The following GALNT18 variants were observed in gnomAD, a reference collection of about 807,000 sequenced individuals.
GALNT18 encodes polypeptide N-acetylgalactosaminyltransferase 18.
In GALNT18, 44 loss-of-function variants were observed where a neutral mutation model predicts 69.5. The observed-to-expected ratio is 0.63, with a 90% CI of 0.50 to 0.81. GALNT18 has a LOEUF of 0.81. Ranked by LOEUF, GALNT18 falls within the 40% of genes least tolerant of loss-of-function variation. GALNT18 has a pLI of 0.00. For synonymous variants in GALNT18, 364 were observed against 318.2 expected, an observed-to-expected ratio of 1.14 and a Z score of -1.53; for missense variants, 715 against 810.0, an observed-to-expected ratio of 0.88 and a Z score of 1.42.
chr11:11,509,929 T>C (rs1345362824), intron 1 of GALNT18, among the ~76,000 whole-genome samples: 2 of 152,216 alleles, frequency 1.3e-5, no homozygotes, highest in African/African-American at 4.8e-5. Flanking sequence ...GAAAGAGTAT[T>C]TGTATAAGAC....
At chr11:11,285,340 TAAG>T in intron 10 of GALNT18, among the ~76,000 whole-genome samples, 1 of 152,182 alleles carries the variant, frequency 6.6e-6, no homozygotes, top group Non-Finnish European at 1.5e-5. Context: ...ATAATTATAG[TAAG>T]TACCTTATAG....
intron 10 of GALNT18, among the ~76,000 whole-genome samples, chr11:11,273,125 C>T (rs990183610): frequency 6.6e-6 from 1 of 152,182 alleles, no homozygotes; most frequent in African/African-American, 2.4e-5. Context: ...GGGAAACACT[C>T]CAGGACATTG....
intron 1 of GALNT18, among the ~76,000 whole-genome samples, chr11:11,489,746 C>T (rs1028508160): frequency 5.3e-5 from 8 of 152,154 alleles, no homozygotes; most frequent in South Asian, 2.1e-4. Flanking sequence ...TCCTGGTCAA[C>T]GAGCATATGT....
intron 5 of GALNT18, among the ~76,000 whole-genome samples, chr11:11,373,771 C>T (rs747637366): frequency 8.5e-5 from 13 of 152,178 alleles, no homozygotes; most frequent in South Asian, 4.1e-4. Context: ...CGTGAGAGCA[C>T]GGGGCTACTT....
intron 1 of GALNT18, among the ~76,000 whole-genome samples, chr11:11,474,246 A>C (rs1856338888): frequency 6.6e-6 from 1 of 152,238 alleles, no homozygotes; most frequent in Admixed American, 6.5e-5. Context: ...AGTGGTATCC[A>C]AAGATGAAAA....
At chr11:11,473,772 A>T (rs1337529277) in intron 1 of GALNT18, among the ~76,000 whole-genome samples, 1 of 152,178 alleles carries the variant, frequency 6.6e-6, no homozygotes, top group African/African-American at 2.4e-5. Flanking sequence ...GACTTTAATA[A>T]AATAGACCAA....
intron 8 of GALNT18, among the ~76,000 whole-genome samples, chr11:11,327,890 G>A (rs1010077588): frequency 4.6e-5 from 7 of 152,122 alleles, no homozygotes; most frequent in African/African-American, 1.2e-4. Context: ...CCTGCTCACC[G>A]GCCACAACTG....
intron 1 of GALNT18, among the ~76,000 whole-genome samples, chr11:11,506,846 G>A (rs1857077859): frequency 6.6e-6 from 1 of 152,132 alleles, no homozygotes; most frequent in African/African-American, 2.4e-5. Context: ...GTAGAGAGTT[G>A]GCCATGGAAA....
chr11:11,471,703 C>T (rs1856274076), intron 1 of GALNT18, among the ~76,000 whole-genome samples: 1 of 152,160 alleles, frequency 6.6e-6, no homozygotes, highest in Non-Finnish European at 1.5e-5. Flanking sequence ...AACTGAGGCT[C>T]AGATAAATTT....
chr11:11,328,830 C>A (rs768148332), intron 8 of GALNT18, among the ~76,000 whole-genome samples: 1 of 152,270 alleles, frequency 6.6e-6, no homozygotes, highest in East Asian at 1.9e-4. Flanking sequence ...AGCACTGTAA[C>A]CCACTAGGAA....
chr11:11,272,181 G>A (rs1456525850), intron 10 of GALNT18, among the ~76,000 whole-genome samples: 1 of 152,156 alleles, frequency 6.6e-6, no homozygotes, highest in Non-Finnish European at 1.5e-5. Flanking sequence ...ACCTACTCCT[G>A]TATTTCTGTC....
rs531287565 is a variant in GALNT18, at chr11:11,563,356, G to A, written c.235+58003C>T. ...ATCTAAGTAAGGCTTGTTGGTAGAGGAACAGCCGAGATCTGGACAGACAGG... is the reference window on the plus strand; with the variant it reads ...ATCTAAGTAAGGCTTGTTGGTAGAGAAACAGCCGAGATCTGGACAGACAGG... On this transcript the variant is annotated intron_variant, in intron 1 of 10. Transcript: ENST00000227756. This position sits in a 1 kb window ranked among gnomAD's most constrained non-coding sequence, Gnocchi z 4.6. Among the ~76,000 whole-genome samples, 2 of 152,082 alleles carry A rather than the reference G, an allele frequency of 1.3e-5. No homozygotes were observed. Among genetic ancestry groups the A allele is most frequent in the African/African-American group, 2.4e-5 (1 of 41,478 alleles).
chr11:11,322,110 T>C (rs2722761), intron 9 of GALNT18, among the ~76,000 whole-genome samples: 32,692 of 152,248 alleles, frequency 0.21, 3,804 homozygotes, highest in Admixed American at 0.34. Context: ...ACATACCAGG[T>C]ATGGTTTTAA....
At chr11:11,273,877 C>T (rs1267013106) in intron 10 of GALNT18, among the ~76,000 whole-genome samples, 1 of 148,506 alleles carries the variant, frequency 6.7e-6, no homozygotes, top group African/African-American at 2.4e-5. Context: ...AATAATGAGA[C>T]TCTGGTTTCA....
At chr11:11,577,942 A>G (rs984043198) in intron 1 of GALNT18, among the ~76,000 whole-genome samples, 16 of 152,216 alleles carry the variant, frequency 1.1e-4, no homozygotes, top group Non-Finnish European at 2.1e-4. Context: ...GCAAGAAGCA[A>G]TTTGATAGGA....
At chr11:11,466,726 C>T (rs7117543) in intron 1 of GALNT18, among the ~76,000 whole-genome samples, 1 of 152,288 alleles carries the variant, frequency 6.6e-6, no homozygotes, top group South Asian at 2.1e-4. Flanking sequence ...TCAGGGGAAA[C>T]GATGAGGCCA....
At chr11:11,324,463 A>G (rs1164745200) in intron 9 of GALNT18, among the ~76,000 whole-genome samples, 2 of 152,226 alleles carry the variant, frequency 1.3e-5, no homozygotes, top group African/African-American at 4.8e-5. Flanking sequence ...GGAATACTAC[A>G]TAGTAGTAAA....
At chr11:11,522,994 C>T (rs183926426) in intron 1 of GALNT18, among the ~76,000 whole-genome samples, 4 of 152,328 alleles carry the variant, frequency 2.6e-5, no homozygotes, top group South Asian at 2.1e-4. Flanking sequence ...AGAGACTGAG[C>T]GCAGTGCAGT....
chr11:11,352,993 G>C, intron 6 of GALNT18: 1 of 1,614,008 alleles, frequency 6.2e-7, no homozygotes, highest in South Asian at 1.1e-5. Context: ...CCTAATTTTC[G>C]AACCAGCTGG....
Sources: allele counts gnomAD v4.1 joint callset (sites outside exome capture counted in the v4.1 genomes callset), GRCh38; gene constraint gnomAD v4.1.1; non-coding constraint Gnocchi (gnomAD v3.1); transcripts MANE v1.5; gene names NCBI Gene and HGNC (gene_info 2026-07-23, HGNC 2026-07-21).